PHF10: variants seen among roughly 807,000 people sequenced by gnomAD.
PHF10 encodes the protein PHD finger protein 10.
A neutral mutation model predicts 68.5 loss-of-function variants in PHF10; 51 were observed. That is an observed-to-expected ratio of 0.74 (90% CI 0.59 to 0.94). The LOEUF (loss-of-function observed/expected upper bound fraction) is 0.94. PHF10 is among the 40% of genes least tolerant of loss of function. The pLI, the probability that PHF10 is intolerant of heterozygous loss-of-function variation, is 0.00. For synonymous variants in PHF10, 204 were observed against 203.5 expected, an observed-to-expected ratio of 1.00 and a Z score of -0.02; for missense variants, 460 against 602.6, an observed-to-expected ratio of 0.76 and a Z score of 2.48.
Position 169,705,985 on chromosome 6 carries a change from A to C in PHF10, c.1114-261T>G, listed in dbSNP as rs193059290. Among the ~76,000 whole-genome samples the C allele has an allele frequency of 2.4e-3, 369 of 152,320 alleles. 1 individual carries two copies. The highest frequency in any genetic ancestry group is 3.9e-3 in the Non-Finnish European group (263 of 68,020). On this transcript the variant is annotated intron_variant, in intron 9 of 11. Transcript: ENST00000339209. ...ATTCTATACTCCCTACATGCACAGTAAGATTTGTTTAATGAATGGAAGGAA... is the reference window on the plus strand; with the variant it reads ...ATTCTATACTCCCTACATGCACAGTCAGATTTGTTTAATGAATGGAAGGAA...
intron 7 of PHF10, among the ~76,000 whole-genome samples, 197 bp from the exon 8 acceptor site, chr6:169,712,736 A>G (rs1788953583): frequency 1.3e-5 from 2 of 152,170 alleles, no homozygotes; most frequent in South Asian, 4.1e-4. Context: ...CTTATGTAAA[A>G]TATGCATTTG....
intron 9 of PHF10, chr6:169,706,996 ATTATC>A (rs1430810644): frequency 6.6e-6 from 1 of 152,130 alleles, no homozygotes; most frequent in African/African-American, 2.4e-5. Context: ...TACTTTTTAA[ATTATC>A]TTTCTTTGCA....
chr6:169,723,849 G>T lies in PHF10; in HGVS notation c.83C>A (p.Pro28Gln). Residue 28 changes from proline to glutamine, a missense_variant, in exon 1 of 12, where the codon CCG becomes CAG. Coordinates refer to ENST00000339209, the MANE Select transcript of PHF10 (RefSeq NM_018288.4). Reference protein sequence around the residue: ...SDPATPGAQSPKDDNEDNSND... With the variant: ...SDPATPGAQSQKDDNEDNSND... ...TCGCACCGGCCGCTTCCTCACCTTC[G>T]GGGACTGCGCTCCGGGGGTGGCTGG... The T allele has an allele frequency of 1.9e-6, 2 of 1,075,222 alleles. No individual in the cohort carries two copies. The highest frequency in any genetic ancestry group is 2.3e-6 in the Non-Finnish European group (2 of 874,558). 66.6% of individuals were successfully genotyped at this position (1,075,222 alleles called of 1,614,324 possible). A position where few individuals can be genotyped will look rare whatever the true frequency, so the allele number is the denominator to read the frequency against.
chr6:169,704,313 G>C (rs988875585), intron 11 of PHF10: 1 of 493,800 alleles, frequency 2.0e-6, no homozygotes. Context: ...TGGGAGAGAT[G>C]CAATGCCATA....
intron 1 of PHF10, 41 bp downstream of exon 1, chr6:169,723,804 G>C (rs1437329118): frequency 1.7e-5 from 12 of 687,392 alleles, no homozygotes; most frequent in Non-Finnish European, 2.1e-5. Context: ...ACCCAGGCCC[G>C]GGACGGGGTC....
Position 169,724,250 on chromosome 6 carries a change from C to G in PHF10, c.-319G>C. 6.8e-6 allele frequency among the ~76,000 whole-genome samples: 1 copy of G among 146,746 alleles called. No homozygotes were observed. The highest frequency in any genetic ancestry group is 2.0e-4 in the East Asian group (1 of 5,014). On this transcript the variant is annotated 5_prime_UTR_variant, in exon 1 of 12. Transcript: ENST00000339209. ...GCTTCTCACGTCAGCCCAACCCGCC[C>G]GGCCGCGGCCACCGCCTCAGCACCG...
Position 169,719,578 on chromosome 6 carries a change from A to C in PHF10, c.195-660T>G, listed in dbSNP as rs139688235. On this transcript the variant is annotated intron_variant, in intron 2 of 11. Coordinates refer to ENST00000339209, the MANE Select transcript of PHF10 (RefSeq NM_018288.4). ...ACTATGTTATGCATCCATCTATTTAAAAAGTAACCTTCAAAAAGAACAGTG... is the reference window on the plus strand; with the variant it reads ...ACTATGTTATGCATCCATCTATTTACAAAGTAACCTTCAAAAAGAACAGTG... Among the ~76,000 whole-genome samples the C allele has an allele frequency of 2.5e-3, 378 of 152,286 alleles. 2 individuals are homozygous for C. Among genetic ancestry groups the C allele is most frequent in the Middle Eastern group, 0.024 (7 of 294 alleles).
rs760203551 is a variant in PHF10 at position 169,705,324 on chromosome 6, A to C, written c.1223-3T>G. 3 of 1,598,632 alleles carry C rather than the reference A, an allele frequency of 1.9e-6. No individual in the cohort carries two copies. ...CATATCCAGGCAAGAAGGATGGCCT[A>C]AATCAAAACCAGTATTAGTGGTATC... is the stretch of plus-strand genomic sequence containing the variant. On this transcript the variant is annotated splice_region_variant and splice_polypyrimidine_tract_variant and intron_variant, in intron 10 of 11. Transcript: ENST00000339209.
chr6:169,714,937 TC>T, intron 6 of PHF10, 95 bp from the exon 7 acceptor site: 1 of 719,642 alleles, frequency 1.4e-6, no homozygotes, highest in Non-Finnish European at 2.5e-6. Context: ...CACGCCCACT[TC>T]CCCCTCGAAA....
rs370407642 is a variant in PHF10, at chr6:169,704,121, A to C, written c.1412-33T>G. On this transcript the variant is annotated intron_variant, in intron 11 of 11. Transcript: ENST00000339209. ...AAAAATTGTTAATATAGAATGAAAA[A>C]TTATCTTTACAGGACTGAATTTTAA... 2.2e-4 allele frequency: 331 copies of C among 1,526,864 alleles called. 2 individuals carry two copies. In the South Asian group the frequency reaches 3.4e-3, roughly 15 times the overall value. 94.6% of individuals were successfully genotyped at this position (1,526,864 alleles called of 1,614,324 possible).
intron 1 of PHF10, among the ~76,000 whole-genome samples, chr6:169,721,728 G>A (rs1789183720): frequency 6.6e-6 from 1 of 151,992 alleles, no homozygotes; most frequent in African/African-American, 2.4e-5. Context: ...TATGTGGCAA[G>A]AACATCAAGG....
At chr6:169,717,974 G>C (rs1289302461) in intron 3 of PHF10, 68 bp from the exon 4 acceptor site, 1 of 662,782 alleles carries the variant, frequency 1.5e-6, no homozygotes, top group Non-Finnish European at 2.6e-6. Context: ...ACTTTTAAAA[G>C]CTTAAAAACC....
chr6:169,715,303 G>A (rs367991139), intron 6 of PHF10, among the ~76,000 whole-genome samples: 3 of 152,282 alleles, frequency 2.0e-5, no homozygotes, highest in African/African-American at 7.2e-5. Flanking sequence ...TGTAAATTGA[G>A]TATTATTAAG....
Position 169,716,093 on chromosome 6 carries a change from T to C in PHF10, c.410-5A>G, listed in dbSNP as rs1219337774. On this transcript the variant is annotated splice_region_variant and splice_polypyrimidine_tract_variant and intron_variant, in intron 4 of 11. Coordinates refer to ENST00000339209, the MANE Select transcript of PHF10 (RefSeq NM_018288.4). ...CACTGCGCAATGCTGTTAAGCCTAT[T>C]TTAGACCAAAAAATAAAAAAATAAA... The C allele has an allele frequency of 1.9e-6, 3 of 1,542,384 alleles. No homozygotes were observed. Among genetic ancestry groups the C allele is most frequent in the East Asian group, 4.5e-5 (2 of 44,092 alleles).
Position 169,716,105 on chromosome 6 carries a change from A to C in PHF10, c.410-17T>G, listed in dbSNP as rs1486127669. 1 of 1,510,938 alleles carries C rather than the reference A, an allele frequency of 6.6e-7. No individual in the cohort carries two copies. The highest frequency in any genetic ancestry group is 1.4e-5 in the African/African-American group (1 of 71,232). 93.6% of individuals were successfully genotyped at this position (1,510,938 alleles called of 1,614,324 possible). ...CTGTTAAGCCTATTTTAGACCAAAA[A>C]ATAAAAAAATAAAGAAGCTCTTTTA... On this transcript the variant is annotated splice_polypyrimidine_tract_variant and intron_variant, in intron 4 of 11. Coordinates refer to ENST00000339209, the MANE Select transcript of PHF10 (RefSeq NM_018288.4).
chr6:169,720,091 G>A (rs1789141838), intron 2 of PHF10, among the ~76,000 whole-genome samples: 1 of 152,050 alleles, frequency 6.6e-6, no homozygotes, highest in South Asian at 2.1e-4. Context: ...TTATGAAAAT[G>A]CAAATCAAAA....
chr6:169,705,245 A>G lies in PHF10; in HGVS notation c.1299T>C (p.Cys433=). The G allele has an allele frequency of 6.2e-7, 1 of 1,613,234 alleles. No homozygotes were observed. Among genetic ancestry groups the G allele is most frequent in the Non-Finnish European group, 8.5e-7 (1 of 1,179,178 alleles). Residue 433 remains cysteine (C), a synonymous_variant, in exon 11 of 12, where the codon TGT becomes TGC. Transcript: ENST00000339209. ...GTTGTCCACATATAATGCATGTTTT[A>G]CATTCCATACACTGCCATGGGTAGG... ...IKTYPWQCME[C]KTCIICGQPH...
intron 9 of PHF10, chr6:169,708,648 G>A (rs1392551756): frequency 6.6e-6 from 1 of 152,060 alleles, no homozygotes; most frequent in Non-Finnish European, 1.5e-5. Flanking sequence ...GTACTATTAA[G>A]TTCAGTTAAT....
intron 1 of PHF10, 50 bp from the exon 2 acceptor site, chr6:169,721,161 A>T (rs751581883): frequency 9.8e-7 from 1 of 1,024,460 alleles, no homozygotes; most frequent in South Asian, 1.4e-5. Flanking sequence ...GAATAAAAGA[A>T]CAGTAAGTCT....
Sources: allele counts gnomAD v4.1 joint callset (sites outside exome capture counted in the v4.1 genomes callset), GRCh38; gene constraint gnomAD v4.1.1; transcripts MANE v1.5; gene names NCBI Gene and HGNC (gene_info 2026-07-23, HGNC 2026-07-21).